Variants in CWC15 observed in about 807,000 individuals in gnomAD.
CWC15 encodes the protein spliceosome-associated protein CWC15 homolog.
Under a neutral mutation model 28.4 loss-of-function variants are expected in CWC15, and 12 were observed. That is an observed-to-expected ratio of 0.42 (90% CI 0.27 to 0.69). The LOEUF is 0.69. CWC15 is among the 30% of genes least tolerant of loss of function. CWC15 has a pLI of 0.23. For synonymous variants in CWC15, 92 were observed against 88.4 expected (o/e 1.04, Z -0.23); for missense variants, 192 against 271.5 (o/e 0.71, Z 2.06).
At chr11:94,963,660 A>C (rs1857598584) in intron 6 of CWC15, 146 bp from the exon 7 acceptor site, 2 of 552,318 alleles carry the variant, frequency 3.6e-6, no homozygotes, top group Admixed American at 8.5e-5. Flanking sequence ...CAAAAGAATA[A>C]TGTCATCCTT....
chr11:94,973,149 C>CCA (rs1857752889), intron 1 of CWC15: 1 of 152,346 alleles, frequency 6.6e-6, no homozygotes, highest in Admixed American at 6.5e-5. Context: ...CCGCCCCTTC[C>CCA]CACACACCCA....
intron 5 of CWC15, 54 bp from the exon 6 acceptor site, chr11:94,966,467 T>C: frequency 8.6e-7 from 1 of 1,163,180 alleles, no homozygotes; most frequent in East Asian, 2.6e-5. Context: ...TGGGTTCAAT[T>C]TTTTTTATAT....
intron 6 of CWC15, among the ~76,000 whole-genome samples, chr11:94,964,162 G>A (rs1292002244): frequency 6.6e-6 from 1 of 152,062 alleles, no homozygotes; most frequent in East Asian, 1.9e-4. Flanking sequence ...TAAAATACAT[G>A]TGTTATAGAA....
chr11:94,965,220 G>A (rs1281518947), intron 6 of CWC15, among the ~76,000 whole-genome samples: 2 of 152,256 alleles, frequency 1.3e-5, no homozygotes, highest in Non-Finnish European at 2.9e-5. Flanking sequence ...CATCACTCCA[G>A]ATGGCAGATA....
chr11:94,963,442 T>G lies in CWC15; in HGVS notation c.633A>C (p.Val211=). 3.8e-6 allele frequency: 6 copies of G among 1,583,800 alleles called. No individual in the cohort carries two copies. Among genetic ancestry groups the G allele is most frequent in the Non-Finnish European group, 5.2e-6 (6 of 1,162,732 alleles). The change falls in exon 7 of 7, where the codon GTA becomes GTC. Residue 211 remains valine (V), a synonymous_variant. Transcript: ENST00000279839. ...GAAATTCAGATCGCAGTGTGTCATT[T>G]ACAAATCTTTTGTCTTTCTTCTGGT... ...VDDQKKDKRF[V]NDTLRSEFHK...
At chr11:94,972,448 A>T (rs11020990) in intron 1 of CWC15, among the ~76,000 whole-genome samples, 34,406 of 152,006 alleles carry the variant, frequency 0.23, 4,950 homozygotes, top group East Asian at 0.68. Context: ...TCTCCTTCTG[A>T]CTATATGGGC....
rs1857593100 is a variant in CWC15 at position 94,963,295 on chromosome 11, T to TA, written c.*89dup. 2 of 1,067,486 alleles carry TA rather than the reference T, an allele frequency of 1.9e-6. No homozygotes were observed. The highest frequency in any genetic ancestry group is 2.5e-6 in the Non-Finnish European group (2 of 787,132). 66.1% of individuals were successfully genotyped at this position (1,067,486 alleles called of 1,614,324 possible). ...AAACTGGGGAAGCCCACACACAATT[T>TA]AGACAGGGGAAAAGAAAAAAAAAAC... On this transcript the variant is annotated 3_prime_UTR_variant, in exon 7 of 7. Coordinates refer to ENST00000279839, the MANE Select transcript of CWC15 (RefSeq NM_016403.4).
intron 5 of CWC15, among the ~76,000 whole-genome samples, chr11:94,969,221 C>T (rs1363252628): frequency 1.3e-5 from 2 of 152,186 alleles, no homozygotes; most frequent in African/African-American, 2.4e-5. Context: ...TCAATTCCAA[C>T]TCCTATCATA....
In CWC15 at chr11:94,963,632, T is replaced by C. The variant is rs16921226; in HGVS notation, c.561-118A>G. 2,366 of 710,028 alleles carry C rather than the reference T, an allele frequency of 3.3e-3. 45 individuals carry two copies. The African/African-American group carries it at 0.039, about 12-fold the overall frequency. The allele number at this position is 710,028 out of a possible 1,614,324, so 44.0% of individuals were successfully genotyped here. On this transcript the variant is annotated intron_variant, in intron 6 of 6. Coordinates refer to ENST00000279839, the MANE Select transcript of CWC15 (RefSeq NM_016403.4). Reference sequence around the variant, plus strand: ...AAAGATGCTCAACATGTGTATCATCTGATGCAGCAATTACACTCAAAAGAA... The same window carrying C: ...AAAGATGCTCAACATGTGTATCATCCGATGCAGCAATTACACTCAAAAGAA...
At chr11:94,969,146 T>G (rs2134101654) in intron 5 of CWC15, among the ~76,000 whole-genome samples, 1 of 152,330 alleles carries the variant, frequency 6.6e-6, no homozygotes, top group East Asian at 1.9e-4. Flanking sequence ...TTTTTATTTT[T>G]TCCTGCTCCC....
intron 1 of CWC15, 93 bp from the exon 2 acceptor site, chr11:94,972,286 T>C: frequency 2.4e-6 from 3 of 1,232,116 alleles, no homozygotes; most frequent in Non-Finnish European, 3.4e-6. Flanking sequence ...AAATAAGTTC[T>C]AAAACTCATT....
Position 94,962,867 on chromosome 11 carries a change from G to A in CWC15, c.*518C>T, listed in dbSNP as rs1159098598. The A allele has an allele frequency of 2.0e-5, 3 of 152,202 alleles. No homozygotes were observed. Among genetic ancestry groups the A allele is most frequent in the South Asian group, 2.1e-4 (1 of 4,834 alleles). The allele number at this position is 152,202 out of a possible 1,614,324, so 9.4% of individuals were successfully genotyped here. A position where few individuals can be genotyped will look rare whatever the true frequency, so the allele number is the denominator to read the frequency against. The stretch of plus-strand genomic sequence containing the variant: ...GCTCTCCCAGACACACGCCTGGGGT[G>A]CTTACTGTCAATGACACTCCTCCAC... On this transcript the variant is annotated 3_prime_UTR_variant, in exon 7 of 7. Coordinates refer to ENST00000279839, the MANE Select transcript of CWC15 (RefSeq NM_016403.4).
At chr11:94,966,790 T>C (rs902747317) in intron 5 of CWC15, among the ~76,000 whole-genome samples, 8 of 152,048 alleles carry the variant, frequency 5.3e-5, no homozygotes, top group African/African-American at 1.7e-4. Context: ...TAAGAACATA[T>C]TGAATATCAA....
At chr11:94,970,806 A>T in intron 4 of CWC15, 171 bp downstream of exon 4, 1 of 610,670 alleles carries the variant, frequency 1.6e-6, no homozygotes, top group Non-Finnish European at 2.9e-6. Flanking sequence ...ACAAAATAAT[A>T]CTTTTGATTT....
At chr11:94,971,151 C>T (rs587677444) in intron 3 of CWC15, 86 bp from the exon 4 acceptor site, 2 of 1,243,088 alleles carry the variant, frequency 1.6e-6, no homozygotes, top group Non-Finnish European at 1.2e-6. Context: ...CACAAGGAGC[C>T]CACATTAAAA....
intron 6 of CWC15, 148 bp from the exon 7 acceptor site, chr11:94,963,662 G>T: frequency 1.8e-6 from 1 of 549,904 alleles, no homozygotes; most frequent in Non-Finnish European, 2.9e-6. Flanking sequence ...AAAGAATAAT[G>T]TCATCCTTAA....
chr11:94,963,410 T>G lies in CWC15; in HGVS notation c.665A>C (p.Lys222Thr). The G allele has an allele frequency of 1.3e-6, 2 of 1,582,358 alleles. No homozygotes were observed. Among genetic ancestry groups the G allele is most frequent in the Non-Finnish European group, 1.7e-6 (2 of 1,161,854 alleles). The stretch of plus-strand genomic sequence containing the variant: ...CTATTTAATATATTTCTCCATGAAC[T>G]TTTTGTGAAATTCAGATCGCAGTGT... Reference protein sequence around the residue: ...NDTLRSEFHKKFMEKYIK With the variant: ...NDTLRSEFHKTFMEKYIK Residue 222 changes from lysine to threonine, a missense_variant, in exon 7 of 7, where the codon AAG (lysine) becomes ACG (threonine). Lys to Thr is a moderately conservative substitution (Grantham distance 78). This residue lies in a region of CWC15 where 188 missense variants were observed against 250.3 expected (regional missense o/e 0.75). Transcript: ENST00000279839.
Position 94,963,472 on chromosome 11 carries a change from T to C in CWC15, c.603A>G (p.Val201=). 1 of 1,582,464 alleles carries C rather than the reference T, an allele frequency of 6.3e-7. No homozygotes were observed. The highest frequency in any genetic ancestry group is 2.3e-5 in the East Asian group (1 of 44,052). Residue 201 remains valine (V), a synonymous_variant, in exon 7 of 7, where the codon GTA becomes GTG. Transcript: ENST00000279839. The part of the protein sequence containing the change: ...DVVFKNCAKG[V]DDQKKDKRFV... ...ATCTTTTGTCTTTCTTCTGGTCATC[T>C]ACACCTTTTGCACAGTTCTTGAAGA...
At chr11:94,969,943 G>A in intron 5 of CWC15, 46 bp downstream of exon 5, 1 of 1,270,166 alleles carries the variant, frequency 7.9e-7, no homozygotes, top group South Asian at 1.7e-5. Flanking sequence ...TTCTACCTTA[G>A]TGTATGTGAG....
Sources: allele counts gnomAD v4.1 joint callset (sites outside exome capture counted in the v4.1 genomes callset), GRCh38; gene constraint gnomAD v4.1.1; regional missense constraint gnomAD v4.1.1; transcripts MANE v1.5; gene names NCBI Gene and HGNC (gene_info 2026-07-23, HGNC 2026-07-21).